VPS53: variants seen among roughly 807,000 people sequenced by gnomAD.
VPS53 encodes VPS53 subunit of GARP complex.
In VPS53, 70 loss-of-function variants were observed where a neutral mutation model predicts 107.0. The ratio of observed to expected loss-of-function variants is 0.65; its 90% CI spans 0.54 to 0.80. The LOEUF (loss-of-function observed/expected upper bound fraction) is 0.80, where lower values mean the gene tolerates loss of function less well. Among genes scored for constraint, VPS53 ranks in the 30% least tolerant of loss-of-function variants. VPS53 has a pLI of 0.00. For synonymous variants in VPS53, 409 were observed against 393.3 expected (o/e 1.04, Z -0.47); for missense variants, 917 against 1,049.4 (o/e 0.87, Z 1.74).
At chr17:569,449 T>C (rs1913841569) in intron 13 of VPS53, among the ~76,000 whole-genome samples, 2 of 152,152 alleles carry the variant, frequency 1.3e-5, no homozygotes, top group Non-Finnish European at 2.9e-5. Flanking sequence ...TTCCTATAGG[T>C]ATACATTTAT....
At chr17:687,889 T>C (rs1288677195) in intron 4 of VPS53, among the ~76,000 whole-genome samples, 1 of 152,120 alleles carries the variant, frequency 6.6e-6, no homozygotes, top group Non-Finnish European at 1.5e-5. Flanking sequence ...GAGACAAAAT[T>C]TAAATTCAAA....
chr17:604,547 C>G (rs1968477300), intron 11 of VPS53, among the ~76,000 whole-genome samples: 1 of 152,178 alleles, frequency 6.6e-6, no homozygotes, highest in Non-Finnish European at 1.5e-5. Flanking sequence ...ATAGAGTGAG[C>G]ATGGGCCAAC....
intron 15 of VPS53, among the ~76,000 whole-genome samples, chr17:554,266 GGACA>G (rs1912134541): frequency 6.6e-6 from 1 of 152,020 alleles, no homozygotes; most frequent in African/African-American, 2.4e-5. Flanking sequence ...CGACAGCCGG[GGACA>G]GAAACACTCA....
intron 10 of VPS53, among the ~76,000 whole-genome samples, chr17:624,994 TC>T (rs1226848811): frequency 2.4e-5 from 3 of 126,536 alleles, no homozygotes; most frequent in African/African-American, 8.5e-5. Flanking sequence ...TTCTCTCTCT[TC>T]TTTTTTTTTT....
At chr17:674,822 T>C (rs1972091928) in intron 4 of VPS53, 1 of 152,234 alleles carries the variant, frequency 6.6e-6, no homozygotes, top group African/African-American at 2.4e-5. Flanking sequence ...TCTGGGTCTG[T>C]GATTAACTCG....
At chr17:563,486 G>C (rs896669647) in intron 13 of VPS53, among the ~76,000 whole-genome samples, 1 of 151,906 alleles carries the variant, frequency 6.6e-6, no homozygotes, top group Non-Finnish European at 1.5e-5. Flanking sequence ...TAGAGACAGG[G>C]TTTCACCATG....
chr17:611,550 G>A (rs1356382553), intron 11 of VPS53, among the ~76,000 whole-genome samples: 1 of 152,170 alleles, frequency 6.6e-6, no homozygotes, highest in Non-Finnish European at 1.5e-5. Context: ...GTTAAGCCTA[G>A]GGTTACCATG....
chr17:647,908 A>C (rs1970772108), intron 7 of VPS53, among the ~76,000 whole-genome samples: 1 of 152,224 alleles, frequency 6.6e-6, no homozygotes, highest in East Asian at 1.9e-4. Context: ...TCGAAAATGA[A>C]AGACATGAAG....
intron 4 of VPS53, among the ~76,000 whole-genome samples, chr17:663,991 T>C (rs1971577365): frequency 6.6e-6 from 1 of 152,094 alleles, no homozygotes; most frequent in Non-Finnish European, 1.5e-5. Flanking sequence ...ATAAGGGAGA[T>C]GGTGGTCACA....
At chr17:570,788 G>C (rs970848962) in intron 13 of VPS53, among the ~76,000 whole-genome samples, 12 of 152,138 alleles carry the variant, frequency 7.9e-5, no homozygotes, top group African/African-American at 1.2e-4. Flanking sequence ...GAAATGTGAG[G>C]AGGAGAGCAT....
chr17:548,839 C>T (rs536148185), intron 17 of VPS53, among the ~76,000 whole-genome samples: 1 of 152,270 alleles, frequency 6.6e-6, no homozygotes, highest in Non-Finnish European at 1.5e-5. Flanking sequence ...ATGTTTTCAC[C>T]CTGTTTGAAC....
chr17:696,229 TG>T (rs1452033294), intron 4 of VPS53, among the ~76,000 whole-genome samples: 3 of 151,078 alleles, frequency 2.0e-5, no homozygotes, highest in Non-Finnish European at 4.4e-5. Context: ...AGTGGAAAAA[TG>T]GAAAAAGAAA....
At position 524,335 on chromosome 17, in the gene VPS53, T is replaced by C. The variant is rs1390076204; in HGVS notation, c.2086-2597A>G. On this transcript the variant is annotated intron_variant, in intron 19 of 21. Coordinates refer to ENST00000437048, the MANE Select transcript of VPS53 (RefSeq NM_001128159.3). This position sits in a 1 kb window ranked among gnomAD's most constrained non-coding sequence, Gnocchi z 4.5. ...AAGAAGAAGAAAATACAGAGATTAT[T>C]TTCATTGCTTATGGGTGGAGAAGAA... 6.6e-6 allele frequency among the ~76,000 whole-genome samples: 1 copy of C among 152,140 alleles called. No homozygotes were observed.
chr17:582,811 T>C (rs1196001862), intron 13 of VPS53, among the ~76,000 whole-genome samples: 1 of 134,700 alleles, frequency 7.4e-6, no homozygotes, highest in African/African-American at 2.9e-5. Flanking sequence ...CCATGCATTC[T>C]CAGAGGACTT....
At chr17:695,769 C>T (rs1477361800) in intron 4 of VPS53, among the ~76,000 whole-genome samples, 1 of 152,168 alleles carries the variant, frequency 6.6e-6, no homozygotes, top group Non-Finnish European at 1.5e-5. Flanking sequence ...CCAGGCTGGC[C>T]TTGAACTCCT....
At chr17:664,815 T>C (rs1971613129) in intron 4 of VPS53, among the ~76,000 whole-genome samples, 1 of 152,064 alleles carries the variant, frequency 6.6e-6, no homozygotes, top group South Asian at 2.1e-4. Flanking sequence ...GTACAATGTG[T>C]AGGACTCACT....
chr17:528,122 T>C (rs563448730), intron 19 of VPS53, among the ~76,000 whole-genome samples: 7 of 152,314 alleles, frequency 4.6e-5, no homozygotes, highest in Admixed American at 1.3e-4. Context: ...AACCATAAAA[T>C]TTACCTTTTG....
At position 519,070 on chromosome 17, in the gene VPS53, C is replaced by T. The variant is rs969982157; in HGVS notation, c.*58G>A. The T allele has an allele frequency of 1.4e-6, 2 of 1,450,686 alleles. No homozygotes were observed. Among genetic ancestry groups the T allele is most frequent in the African/African-American group, 2.9e-5 (2 of 69,558 alleles). The allele number at this position is 1,450,686 out of a possible 1,614,324, so 89.9% of individuals were successfully genotyped here. A position where few individuals can be genotyped will look rare whatever the true frequency, so the allele number is the denominator to read the frequency against. ...CGGGGAGCACAGGAGAGGTTGGGGG[C>T]TTCTGGGGAACGGGCGCTGAGGGTC... On this transcript the variant is annotated 3_prime_UTR_variant, in exon 22 of 22. Transcript: ENST00000437048. This position sits in a 1 kb window ranked among gnomAD's most constrained non-coding sequence, Gnocchi z 5.0.
At chr17:703,536 C>G (rs1567752366) in intron 2 of VPS53, among the ~76,000 whole-genome samples, 1 of 152,164 alleles carries the variant, frequency 6.6e-6, no homozygotes, top group Non-Finnish European at 1.5e-5. Context: ...TCCACATTGG[C>G]TGGGCAGAGG....
Sources: gnomAD v4.1 joint callset for allele counts (sites outside exome capture counted in the v4.1 genomes callset) on GRCh38, gnomAD v4.1.1 for gene constraint, Gnocchi (gnomAD v3.1) non-coding constraint, MANE v1.5 for transcripts, NCBI Gene and HGNC (gene_info 2026-07-23, HGNC 2026-07-21) for gene names.